SUSD6: variants seen among roughly 807,000 people sequenced by gnomAD.
SUSD6 encodes the protein sushi domain containing 6.
SUSD6 carries 16 observed loss-of-function variants against 28.4 expected under a neutral mutation model. The observed-to-expected ratio is 0.56, with a 90% CI of 0.38 to 0.86. The LOEUF is 0.86. Among genes scored for constraint, SUSD6 ranks in the 40% least tolerant of loss-of-function variants. The pLI, the probability that SUSD6 is intolerant of heterozygous loss-of-function variation, is 0.00. For synonymous variants in SUSD6, 147 were observed against 159.6 expected (o/e 0.92, Z 0.59); for missense variants, 341 against 384.2 (o/e 0.89, Z 0.94).
intron 2 of SUSD6, chr14:69,670,371 C>T (rs1281871220): frequency 6.8e-6 from 3 of 440,148 alleles, no homozygotes; most frequent in African/African-American, 2.0e-5. Flanking sequence ...GAAAATAGAA[C>T]AATTCCATGT....
chr14:69,649,634 G>C (rs1259162986), intron 1 of SUSD6, among the ~76,000 whole-genome samples: 1 of 152,188 alleles, frequency 6.6e-6, no homozygotes, highest in Non-Finnish European at 1.5e-5. Flanking sequence ...GCAGAGAATT[G>C]GTGGTCTCTG....
At chr14:69,680,876 G>T (rs1372764634) in intron 2 of SUSD6, among the ~76,000 whole-genome samples, 1 of 152,146 alleles carries the variant, frequency 6.6e-6, no homozygotes, top group East Asian at 1.9e-4. Flanking sequence ...AGCCTTTCCA[G>T]TCAAAACGAA....
At chr14:69,673,085 C>T (rs1885857789) in intron 2 of SUSD6, among the ~76,000 whole-genome samples, 1 of 152,182 alleles carries the variant, frequency 6.6e-6, no homozygotes, top group Admixed American at 6.5e-5. Context: ...CTCCTTCCTC[C>T]AGTGGCAGAT....
intron 1 of SUSD6, among the ~76,000 whole-genome samples, chr14:69,643,077 G>A (rs1230281996): frequency 6.6e-6 from 1 of 152,202 alleles, no homozygotes; most frequent in Non-Finnish European, 1.5e-5. Context: ...AAGTGGGGCA[G>A]TAGTAGGGCT....
rs140691005 is a variant in SUSD6, at chr14:69,649,605, TA to T, written c.-80-8907del. 7.3e-3 allele frequency among the ~76,000 whole-genome samples: 1,112 copies of T among 152,338 alleles called. 13 individuals carry two copies. Among genetic ancestry groups the T allele is most frequent in the African/African-American group, 0.025 (1,025 of 41,574 alleles). ...CTTTTTTTCTCATTCACTCGAGAAG[TA>T]TTGTTGAGCACTTGGGGGCAGAGAA... is the stretch of plus-strand genomic sequence containing the variant. On this transcript the variant is annotated intron_variant, in intron 1 of 5. Transcript: ENST00000342745.
intron 1 of SUSD6, among the ~76,000 whole-genome samples, chr14:69,626,698 G>A (rs1419034665): frequency 6.6e-6 from 1 of 150,970 alleles, no homozygotes; most frequent in African/African-American, 2.4e-5. Flanking sequence ...CTTTTTTTTC[G>A]AGATAGGGTC....
intron 1 of SUSD6, among the ~76,000 whole-genome samples, chr14:69,628,071 T>A (rs1162905100): frequency 6.6e-6 from 1 of 152,106 alleles, no homozygotes; most frequent in Non-Finnish European, 1.5e-5. Context: ...TAGCTGGGAT[T>A]ACAGGCACCT....
At chr14:69,665,682 A>C (rs1885729932) in intron 2 of SUSD6, among the ~76,000 whole-genome samples, 1 of 152,230 alleles carries the variant, frequency 6.6e-6, no homozygotes. Flanking sequence ...TCATGGAGCC[A>C]CTGAGATCAT....
chr14:69,709,531 G>A (rs1442054862), intron 5 of SUSD6, among the ~76,000 whole-genome samples: 1 of 152,168 alleles, frequency 6.6e-6, no homozygotes, highest in Non-Finnish European at 1.5e-5. Context: ...GGAGTGTTCC[G>A]GGTACTATGC....
At chr14:69,636,723 T>C (rs1197689419) in intron 1 of SUSD6, among the ~76,000 whole-genome samples, 1 of 152,222 alleles carries the variant, frequency 6.6e-6, no homozygotes, top group East Asian at 1.9e-4. Flanking sequence ...GGACCTCCAG[T>C]CTGGCAGAGG....
chr14:69,680,671 C>T (rs1479565534), intron 2 of SUSD6, among the ~76,000 whole-genome samples: 1 of 152,186 alleles, frequency 6.6e-6, no homozygotes, highest in Non-Finnish European at 1.5e-5. Context: ...TGGAATCTCA[C>T]CAGGCATCTC....
intron 1 of SUSD6, among the ~76,000 whole-genome samples, chr14:69,617,948 C>T (rs890438718): frequency 6.6e-6 from 1 of 152,076 alleles, no homozygotes; most frequent in East Asian, 1.9e-4. Flanking sequence ...CCAGGTGGAC[C>T]TCAGGTGTAA....
chr14:69,672,957 G>A (rs2139624455), intron 2 of SUSD6, among the ~76,000 whole-genome samples: 1 of 152,306 alleles, frequency 6.6e-6, no homozygotes, highest in Middle Eastern at 3.4e-3. Flanking sequence ...TTCCAAGCTT[G>A]TACTTCCCTG....
rs1275773360 is a variant in SUSD6 at position 69,708,814 on chromosome 14, T to A, written c.596T>A (p.Val199Glu). ...CCTGCTGACCCCAGAGTACAGATTG[T>A]GCTGTCAGAAGGGTCTGGGCCCAGT... is the stretch of plus-strand genomic sequence containing the variant. ...VPPADPRVQI[V>E]LSEGSGPSGR... Residue 199 changes from valine to glutamate, a missense_variant, in exon 5 of 6, where the codon GTG (valine) becomes GAG (glutamate). Val to Glu is a moderately radical substitution (Grantham distance 121). Transcript: ENST00000342745. 2 of 1,614,062 alleles carry A rather than the reference T, an allele frequency of 1.2e-6. No individual in the cohort carries two copies. Among genetic ancestry groups the A allele is most frequent in the African/African-American group, 2.7e-5 (2 of 74,912 alleles).
intron 2 of SUSD6, among the ~76,000 whole-genome samples, chr14:69,698,232 G>A (rs1886255172): frequency 6.6e-6 from 1 of 152,216 alleles, no homozygotes; most frequent in South Asian, 2.1e-4. Flanking sequence ...GGAGGCTGAG[G>A]CAGGAGAATC....
Position 69,658,576 on chromosome 14 carries a change from A to G in SUSD6, c.-17A>G, listed in dbSNP as rs964325263. On this transcript the variant is annotated 5_prime_UTR_variant, in exon 2 of 6. Coordinates refer to ENST00000342745, the MANE Select transcript of SUSD6 (RefSeq NM_014734.4). The stretch of plus-strand genomic sequence containing the variant: ...TTTTAAATTTTTTCTTTTTAAAAAA[A>G]CTTGGACGGATAAAAGATGTGCCAT... 1 of 1,613,542 alleles carries G rather than the reference A, an allele frequency of 6.2e-7. No homozygotes were observed. Among genetic ancestry groups the G allele is most frequent in the African/African-American group, 1.3e-5 (1 of 74,992 alleles).
intron 1 of SUSD6, among the ~76,000 whole-genome samples, chr14:69,655,877 C>G (rs1032456693): frequency 6.6e-6 from 1 of 152,034 alleles, no homozygotes; most frequent in Non-Finnish European, 1.5e-5. Context: ...CCTTGCCTGT[C>G]CCCTCACACC....
chr14:69,690,906 C>T (rs552013499), intron 2 of SUSD6, among the ~76,000 whole-genome samples: 2 of 152,084 alleles, frequency 1.3e-5, no homozygotes, highest in South Asian at 2.1e-4. Context: ...CTTCTCCCCC[C>T]GCACCAAAAA....
chr14:69,628,268 C>A (rs369265835), intron 1 of SUSD6, among the ~76,000 whole-genome samples: 2 of 152,180 alleles, frequency 1.3e-5, no homozygotes, highest in Admixed American at 1.3e-4. Flanking sequence ...CCCATCCCCT[C>A]TGATCACTTT....
Sources: allele counts gnomAD v4.1 joint callset (sites outside exome capture counted in the v4.1 genomes callset), GRCh38; gene constraint gnomAD v4.1.1; transcripts MANE v1.5; gene names NCBI Gene and HGNC (gene_info 2026-07-23, HGNC 2026-07-21).